The following AGBL4 variants were observed in gnomAD, a reference collection of about 807,000 sequenced individuals.
AGBL4 encodes the protein AGBL carboxypeptidase 4, also known as cytosolic carboxypeptidase 6.
A neutral mutation model predicts 66.4 loss-of-function variants in AGBL4; 58 were observed. That is an observed-to-expected ratio of 0.87 (90% CI 0.71 to 1.09). The LOEUF is 1.09. Ranked by LOEUF, AGBL4 falls within the 50% of genes least tolerant of loss-of-function variation. AGBL4 has a pLI of 0.00. For missense variants in AGBL4, 579 were observed against 631.0 expected (o/e 0.92, Z 0.88); for synonymous variants, 234 against 222.9 (o/e 1.05, Z -0.44).
intron 3 of AGBL4, among the ~76,000 whole-genome samples, chr1:49,461,296 A>G (rs1646505686): frequency 6.6e-6 from 1 of 151,446 alleles, no homozygotes; most frequent in South Asian, 2.1e-4. Flanking sequence ...TTGTTCATTT[A>G]AAATTCTTTT....
At chr1:49,754,690 C>T (rs1403672267) in intron 2 of AGBL4, among the ~76,000 whole-genome samples, 3 of 152,210 alleles carry the variant, frequency 2.0e-5, no homozygotes, top group Non-Finnish European at 4.4e-5. Flanking sequence ...CTTGAGGAAG[C>T]AGCCTGTCCC....
chr1:48,813,853 T>G (rs1252431343), intron 6 of AGBL4, among the ~76,000 whole-genome samples: 2 of 151,856 alleles, frequency 1.3e-5, no homozygotes, highest in Non-Finnish European at 2.9e-5. Context: ...TTTTTTTTTT[T>G]TCAAATCAAG....
Position 48,587,621 on chromosome 1 carries a change from ATTTATTTTATTTTAT to A in AGBL4, c.1105-470_1105-456del, listed in dbSNP as rs148361572. On this transcript the variant is annotated intron_variant, in intron 10 of 13. Transcript: ENST00000371839. ...CTATTCTTTTTATTATTATTATTTT[ATTTATTTTATTTTAT>A]TTTATTTTATTTTATTTATTTTTTG... Among the ~76,000 whole-genome samples the A allele has an allele frequency of 4.7e-5, 7 of 148,436 alleles. No homozygotes were observed. The South Asian group carries it at 8.6e-4, about 18-fold the overall frequency.
chr1:49,884,693 G>A (rs1446602411), intron 1 of AGBL4, among the ~76,000 whole-genome samples: 2 of 151,032 alleles, frequency 1.3e-5, no homozygotes, highest in Non-Finnish European at 3.0e-5. Flanking sequence ...AAATAATTGT[G>A]GCTTATCTTT....
chr1:49,645,359 G>T (rs1291264799), intron 3 of AGBL4, among the ~76,000 whole-genome samples: 1 of 150,498 alleles, frequency 6.6e-6, no homozygotes, highest in Non-Finnish European at 1.5e-5. Context: ...TGAATATTGG[G>T]TATGAGAAAG....
intron 3 of AGBL4, among the ~76,000 whole-genome samples, chr1:49,283,157 C>G (rs1332916496): frequency 1.3e-5 from 2 of 152,194 alleles, no homozygotes. Context: ...GTTCTCCCAG[C>G]ACGCAGCTGG....
chr1:49,983,326 A>C (rs976263046), intron 1 of AGBL4, among the ~76,000 whole-genome samples: 4 of 152,236 alleles, frequency 2.6e-5, no homozygotes, highest in Non-Finnish European at 5.9e-5. Context: ...AGTGCCAGAC[A>C]AGGAAGCTGC....
At chr1:49,097,307 G>C (rs747663846) in intron 4 of AGBL4, among the ~76,000 whole-genome samples, 9 of 152,214 alleles carry the variant, frequency 5.9e-5, no homozygotes, top group Non-Finnish European at 1.0e-4. Context: ...GTGGGATTAA[G>C]TCAGGATAGT....
chr1:49,012,621 T>A (rs1662527622), intron 5 of AGBL4, among the ~76,000 whole-genome samples: 2 of 152,178 alleles, frequency 1.3e-5, no homozygotes, highest in Middle Eastern at 3.2e-3. Flanking sequence ...ATTAAGGAAG[T>A]GACATGTTAT....
chr1:49,975,804 C>T (rs1291792759), intron 1 of AGBL4, among the ~76,000 whole-genome samples: 2 of 152,182 alleles, frequency 1.3e-5, no homozygotes, highest in African/African-American at 4.8e-5. Flanking sequence ...GGTTTCTGCA[C>T]ATTTGGTGCT....
intron 6 of AGBL4, among the ~76,000 whole-genome samples, chr1:48,856,765 C>A (rs901470688): frequency 6.6e-6 from 1 of 152,156 alleles, no homozygotes; most frequent in African/African-American, 2.4e-5. Flanking sequence ...ATAAACCTAG[C>A]TGTGATTTTT....
chr1:49,482,065 A>C (rs1369746640), intron 3 of AGBL4, among the ~76,000 whole-genome samples: 1 of 151,286 alleles, frequency 6.6e-6, no homozygotes, highest in South Asian at 2.1e-4. Flanking sequence ...ATATTCATCA[A>C]GGAAATTGGC....
intron 2 of AGBL4, among the ~76,000 whole-genome samples, chr1:49,782,968 C>CT (rs1168533334): frequency 2.0e-5 from 3 of 151,690 alleles, no homozygotes; most frequent in Non-Finnish European, 4.4e-5. Flanking sequence ...ACAAAACAGA[C>CT]TAAGACAGTG....
intron 6 of AGBL4, among the ~76,000 whole-genome samples, chr1:48,807,278 T>A (rs992539487): frequency 6.6e-6 from 1 of 152,238 alleles, no homozygotes; most frequent in Non-Finnish European, 1.5e-5. Flanking sequence ...GCATGGGTAC[T>A]CTGTACATGT....
At chr1:48,586,781 G>C (rs1644827452) in intron 11 of AGBL4, 1 of 541,478 alleles carries the variant, frequency 1.8e-6, no homozygotes, top group African/African-American at 1.9e-5. Context: ...GGTCCGGCTG[G>C]CCTGGGAAAG....
At chr1:48,663,559 A>G (rs1216681130) in intron 6 of AGBL4, among the ~76,000 whole-genome samples, 1 of 152,184 alleles carries the variant, frequency 6.6e-6, no homozygotes, top group East Asian at 1.9e-4. Flanking sequence ...CAACTTGTGT[A>G]TCCTTTCCAA....
At chr1:49,662,131 AAAG>A (rs1458696662) in intron 3 of AGBL4, among the ~76,000 whole-genome samples, 1 of 151,502 alleles carries the variant, frequency 6.6e-6, no homozygotes, top group African/African-American at 2.4e-5. Context: ...TGGGATTTAC[AAAG>A]AAGAATGAGG....
At chr1:49,521,076 T>C (rs1170995190) in intron 3 of AGBL4, among the ~76,000 whole-genome samples, 1 of 152,080 alleles carries the variant, frequency 6.6e-6, no homozygotes, top group Non-Finnish European at 1.5e-5. Flanking sequence ...CTCAAAGTGC[T>C]GGGATTACAG....
chr1:49,896,009 A>G (rs1198142162), intron 1 of AGBL4, among the ~76,000 whole-genome samples: 4 of 151,918 alleles, frequency 2.6e-5, no homozygotes, highest in Non-Finnish European at 4.4e-5. Context: ...ATATAAAGAC[A>G]CACATAGACT....
Sources: gnomAD v4.1 joint callset for allele counts (sites outside exome capture counted in the v4.1 genomes callset) on GRCh38, gnomAD v4.1.1 for gene constraint, MANE v1.5 for transcripts, NCBI Gene and HGNC (gene_info 2026-07-23, HGNC 2026-07-21) for gene names.